Variants in PTPRD observed in about 807,000 individuals in gnomAD.
PTPRD encodes the protein receptor-type tyrosine-protein phosphatase delta.
PTPRD carries 34 observed loss-of-function variants against 214.5 expected under a neutral mutation model. The ratio of observed to expected loss-of-function variants is 0.16; its 90% CI spans 0.12 to 0.21. The LOEUF is 0.21. PTPRD is among the 10% of genes least tolerant of loss of function. PTPRD has a pLI of 1.00. For missense variants in PTPRD, 2,545 were observed against 2,398.7 expected (o/e 1.06, Z -1.27); for synonymous variants, 1,128 against 845.7 (o/e 1.33, Z -5.79).
intron 3 of PTPRD, among the ~76,000 whole-genome samples, chr9:10,331,530 T>C (rs1215168634): frequency 2.0e-5 from 3 of 151,820 alleles, no homozygotes; most frequent in Non-Finnish European, 4.4e-5. Context: ...TAGTAAGAGA[T>C]GGTTCATAAA....
intron 14 of PTPRD, among the ~76,000 whole-genome samples, chr9:8,561,233 A>G (rs1404188781): frequency 6.6e-6 from 1 of 151,928 alleles, no homozygotes; most frequent in Non-Finnish European, 1.5e-5. Flanking sequence ...TCTTTTTTGA[A>G]TATTCACATA....
chr9:9,972,692 C>G (rs1364937373), intron 4 of PTPRD, among the ~76,000 whole-genome samples: 2 of 152,154 alleles, frequency 1.3e-5, no homozygotes, highest in Non-Finnish European at 2.9e-5. Flanking sequence ...CTGGTTCTTT[C>G]TGGAGGTCCT....
At chr9:9,753,857 T>C (rs908405288) in intron 6 of PTPRD, among the ~76,000 whole-genome samples, 1 of 152,044 alleles carries the variant, frequency 6.6e-6, no homozygotes, top group African/African-American at 2.4e-5. Flanking sequence ...CCCCTATCCT[T>C]ACATTGAATC....
chr9:10,458,228 A>G (rs80276064), intron 2 of PTPRD, among the ~76,000 whole-genome samples: 1,821 of 152,244 alleles, frequency 0.012, 34 homozygotes, highest in African/African-American at 0.039. Context: ...GACCTAAGAC[A>G]AAGATATCCC....
chr9:10,006,561 G>A lies in PTPRD; in HGVS notation c.-472+27157C>T, dbSNP rs137934188. Among the ~76,000 whole-genome samples the A allele has an allele frequency of 4.4e-3, 668 of 152,006 alleles. 4 individuals are homozygous for A. The highest frequency in any genetic ancestry group is 0.013 in the African/African-American group (528 of 41,520). On this transcript the variant is annotated intron_variant, in intron 4 of 45. Coordinates refer to ENST00000381196, the MANE Select transcript of PTPRD (RefSeq NM_002839.4). ...TATTAGCATTTCTGCAGAGTTGAGA[G>A]AATATGCATGAATATAATCAGAGTA...
At chr9:8,683,771 A>G (rs1214659681) in intron 12 of PTPRD, among the ~76,000 whole-genome samples, 1 of 152,160 alleles carries the variant, frequency 6.6e-6, no homozygotes, top group Non-Finnish European at 1.5e-5. Flanking sequence ...TCGCAAGGAG[A>G]CACGGCTTCT....
intron 14 of PTPRD, among the ~76,000 whole-genome samples, chr9:8,562,305 T>C (rs2086706797): frequency 6.6e-6 from 1 of 152,212 alleles, no homozygotes; most frequent in African/African-American, 2.4e-5. Flanking sequence ...ATCTATATTC[T>C]ATAAAGTACA....
chr9:8,925,728 G>GTTC, intron 11 of PTPRD, among the ~76,000 whole-genome samples: 1 of 151,406 alleles, frequency 6.6e-6, no homozygotes, highest in East Asian at 1.9e-4. Context: ...ACCGAGTACT[G>GTTC]TTCTGTTCAG....
At chr9:9,147,313 GA>G (rs1448909272) in intron 10 of PTPRD, among the ~76,000 whole-genome samples, 4 of 150,980 alleles carry the variant, frequency 2.6e-5, no homozygotes, top group African/African-American at 9.7e-5. Context: ...CAGTAAAAAT[GA>G]GTTTCCTGGG....
intron 9 of PTPRD, among the ~76,000 whole-genome samples, chr9:9,218,804 C>A (rs2099953976): frequency 6.6e-6 from 1 of 152,124 alleles, no homozygotes; most frequent in South Asian, 2.1e-4. Flanking sequence ...GCCCGGCCCT[C>A]ACAGCTGACG....
At chr9:10,487,618 G>A (rs939413107) in intron 2 of PTPRD, among the ~76,000 whole-genome samples, 19 of 151,762 alleles carry the variant, frequency 1.3e-4, no homozygotes, top group African/African-American at 3.1e-4. Flanking sequence ...GACCAAATAC[G>A]GCATGTTCTC....
chr9:9,948,491 G>C (rs748434610), intron 4 of PTPRD, among the ~76,000 whole-genome samples: 3 of 152,062 alleles, frequency 2.0e-5, no homozygotes, highest in Non-Finnish European at 2.9e-5. Context: ...TTTAAAAAAT[G>C]TGAGACATAA....
chr9:9,969,482 A>G (rs546002791), intron 4 of PTPRD, among the ~76,000 whole-genome samples: 1 of 152,332 alleles, frequency 6.6e-6, no homozygotes, highest in African/African-American at 2.4e-5. Flanking sequence ...CAGAAATGCA[A>G]CTTACTCAAC....
chr9:8,682,165 C>G (rs1433557492), intron 12 of PTPRD, among the ~76,000 whole-genome samples: 5 of 152,110 alleles, frequency 3.3e-5, no homozygotes, highest in African/African-American at 9.7e-5. Flanking sequence ...TGTGACTCAT[C>G]AAAACATAAT....
intron 5 of PTPRD, among the ~76,000 whole-genome samples, chr9:9,842,137 A>C (rs1281597289): frequency 1.3e-5 from 2 of 151,962 alleles, no homozygotes; most frequent in African/African-American, 4.8e-5. Flanking sequence ...CATGAGTGAA[A>C]ACTAAGAAGA....
chr9:9,867,714 C>T (rs1269847373), intron 5 of PTPRD, among the ~76,000 whole-genome samples: 3 of 152,076 alleles, frequency 2.0e-5, no homozygotes, highest in African/African-American at 7.2e-5. Context: ...TCAACTCAAA[C>T]CTATTGTTTT....
At chr9:10,395,051 A>G (rs936265378) in intron 2 of PTPRD, among the ~76,000 whole-genome samples, 1 of 150,656 alleles carries the variant, frequency 6.6e-6, no homozygotes, top group East Asian at 2.0e-4. Flanking sequence ...CGCTTGGTAA[A>G]TGCTGAGAAA....
intron 3 of PTPRD, among the ~76,000 whole-genome samples, chr9:10,062,770 T>A (rs1186490249): frequency 6.6e-6 from 1 of 152,026 alleles, no homozygotes; most frequent in African/African-American, 2.4e-5. Flanking sequence ...AAAATCTATG[T>A]AACTCATGCT....
chr9:9,891,083 A>C (rs769505213), intron 5 of PTPRD, among the ~76,000 whole-genome samples: 3 of 152,060 alleles, frequency 2.0e-5, no homozygotes, highest in Admixed American at 6.6e-5. Flanking sequence ...GCTTGGTCAT[A>C]TGGTCATGTC....
Sources: gnomAD v4.1 joint callset for allele counts (sites outside exome capture counted in the v4.1 genomes callset) on GRCh38, gnomAD v4.1.1 for gene constraint, MANE v1.5 for transcripts, NCBI Gene and HGNC (gene_info 2026-07-23, HGNC 2026-07-21) for gene names.